Variants in NECTIN3 observed in about 807,000 individuals in gnomAD.
NECTIN3 encodes nectin cell adhesion molecule 3, also known as nectin-3.
Under a neutral mutation model 49.4 loss-of-function variants are expected in NECTIN3, and 8 were observed. The ratio of observed to expected loss-of-function variants is 0.16; its 90% confidence interval spans 0.10 to 0.29. The LOEUF is 0.29. NECTIN3 is among the 10% of genes least tolerant of loss of function. The pLI, the probability that NECTIN3 is intolerant of heterozygous loss-of-function variation, is 1.00. For synonymous variants in NECTIN3, 277 were observed against 241.1 expected (o/e 1.15, Z -1.38); for missense variants, 581 against 654.6 (o/e 0.89, Z 1.23).
intron 7 of NECTIN3, among the ~76,000 whole-genome samples, chr3:111,174,208 C>A (rs1008200841): frequency 1.3e-5 from 2 of 152,188 alleles, no homozygotes; most frequent in Non-Finnish European, 2.9e-5. Context: ...TTGCTCTAGC[C>A]TCTGAACCCC....
In NECTIN3 at chr3:111,118,617, GTT is replaced by G. The variant is rs1190983734; in HGVS notation, c.503-37_503-36del. 4.8e-6 allele frequency: 7 copies of G among 1,458,614 alleles called. No individual in the cohort carries two copies. The African/African-American group carries it at 1.0e-4, about 21-fold the overall frequency. 90.4% of individuals were successfully genotyped at this position (1,458,614 alleles called of 1,614,324 possible). A position where few individuals can be genotyped will look rare whatever the true frequency, so the allele number is the denominator to read the frequency against. On this transcript the variant is annotated intron_variant, in intron 2 of 5. Coordinates refer to ENST00000485303, the MANE Select transcript of NECTIN3 (RefSeq NM_015480.3). ...CTTGGAAAGATATAAACATATTCTT[GTT>G]TGAATGTAACTAATTATTAAAAAAA... is the stretch of plus-strand genomic sequence containing the variant.
At chr3:111,100,284 A>G (rs896585460) in intron 1 of NECTIN3, among the ~76,000 whole-genome samples, 4 of 152,160 alleles carry the variant, frequency 2.6e-5, no homozygotes, top group Admixed American at 1.3e-4. Context: ...CCAGTTCCTT[A>G]CATTGTCAAC....
At chr3:111,125,022 C>CTTTTTTTT (rs869201432) in intron 4 of NECTIN3, among the ~76,000 whole-genome samples, 46 of 90,196 alleles carry the variant, frequency 5.1e-4, no homozygotes, top group Non-Finnish European at 6.5e-4. Flanking sequence ...TCTTTTCTTT[C>CTTTTTTTT]TTTTTTTTTT....
intron 1 of NECTIN3, among the ~76,000 whole-genome samples, chr3:111,102,034 G>T (rs2032933188): frequency 6.6e-6 from 1 of 152,108 alleles, no homozygotes; most frequent in Non-Finnish European, 1.5e-5. Context: ...TATGGCAAAT[G>T]ATACTGTCCC....
intron 7 of NECTIN3, among the ~76,000 whole-genome samples, chr3:111,150,694 A>G (rs935738730): frequency 2.0e-5 from 3 of 151,794 alleles, no homozygotes; most frequent in Admixed American, 1.3e-4. Flanking sequence ...TTTTCCAACT[A>G]ATGTATTTGC....
chr3:111,072,520 G>C (rs1354966485), intron 1 of NECTIN3: 6 of 1,535,840 alleles, frequency 3.9e-6, no homozygotes, highest in Non-Finnish European at 5.2e-6. Flanking sequence ...CGTAGGTTAA[G>C]GTGCCGGGAT....
chr3:111,098,617 C>A (rs907288476), intron 1 of NECTIN3, among the ~76,000 whole-genome samples: 1 of 152,172 alleles, frequency 6.6e-6, no homozygotes, highest in Non-Finnish European at 1.5e-5. Context: ...TCATCTCATC[C>A]TGAGACCTTT....
At chr3:111,121,801 A>G (rs745727304) in intron 3 of NECTIN3, among the ~76,000 whole-genome samples, 5 of 152,154 alleles carry the variant, frequency 3.3e-5, no homozygotes, top group Admixed American at 6.5e-5. Flanking sequence ...CTGTATCTCT[A>G]CATCTCGCAT....
At chr3:111,145,808 A>T (rs2034859480) in intron 6 of NECTIN3, among the ~76,000 whole-genome samples, 1 of 152,218 alleles carries the variant, frequency 6.6e-6, no homozygotes, top group Non-Finnish European at 1.5e-5. Context: ...TTGGGACATA[A>T]GGTTGACTTT....
At chr3:111,132,499 G>A (rs985144254) in intron 5 of NECTIN3, among the ~76,000 whole-genome samples, 1 of 151,644 alleles carries the variant, frequency 6.6e-6, no homozygotes, top group Non-Finnish European at 1.5e-5. Context: ...TACCATTTGG[G>A]TCATTTATTT....
rs1289203158 is a variant in NECTIN3, at chr3:111,134,066, C to A, written c.1501C>A (p.Leu501Ile). ...EKTQWNNVEN[L>I]NRFERPMDYY... ...AACTCAGTGGAACAATGTAGAAAAT[C>A]TCAATAGGTTTGAAAGACCAATGGA... is the stretch of plus-strand genomic sequence containing the variant. The change falls in exon 6 of 6, where the codon CTC (leucine) becomes ATC (isoleucine). Residue 501 changes from leucine to isoleucine, a missense_variant. Coordinates refer to ENST00000485303, the MANE Select transcript of NECTIN3 (RefSeq NM_015480.3). 6.2e-7 allele frequency: 1 copy of A among 1,613,452 alleles called. No individual in the cohort carries two copies. The highest frequency in any genetic ancestry group is 8.5e-7 in the Non-Finnish European group (1 of 1,179,614).
At position 111,071,855 on chromosome 3, in the gene NECTIN3, G is replaced by A. The variant is rs1411424328; in HGVS notation, c.-163G>A. The A allele has an allele frequency of 7.9e-5, 34 of 428,186 alleles. 2 individuals are homozygous for A. The East Asian group carries it at 1.0e-3, about 13-fold the overall frequency. The allele number at this position is 428,186 out of a possible 1,614,324, so 26.5% of individuals were successfully genotyped here. A position where few individuals can be genotyped will look rare whatever the true frequency, so the allele number is the denominator to read the frequency against. On this transcript the variant is annotated 5_prime_UTR_variant, in exon 1 of 6. Transcript: ENST00000485303. ...CGTCGGCGACGGCGGTGTCGAGGCA[G>A]CCGCCAGCGTTCGGCCAAGTGTCAG... is the stretch of plus-strand genomic sequence containing the variant.
At chr3:111,081,872 C>T (rs1003508736) in intron 1 of NECTIN3, among the ~76,000 whole-genome samples, 1 of 152,084 alleles carries the variant, frequency 6.6e-6, no homozygotes, top group African/African-American at 2.4e-5. Flanking sequence ...TTTGCTGAGG[C>T]GATTAGACTG....
At chr3:111,142,592 C>A (rs991949700) in intron 5 of NECTIN3, among the ~76,000 whole-genome samples, 3 of 151,642 alleles carry the variant, frequency 2.0e-5, no homozygotes, top group African/African-American at 7.3e-5. Context: ...AAAATAGTGT[C>A]TATTTAAAGT....
intron 1 of NECTIN3, among the ~76,000 whole-genome samples, chr3:111,106,448 G>A (rs565014086): frequency 6.6e-6 from 1 of 152,220 alleles, no homozygotes; most frequent in African/African-American, 2.4e-5. Flanking sequence ...AGTTTATAGT[G>A]TTATTTATTT....
chr3:111,166,967 GAT>G (rs2035330360), intron 7 of NECTIN3, among the ~76,000 whole-genome samples: 1 of 152,224 alleles, frequency 6.6e-6, no homozygotes, highest in Non-Finnish European at 1.5e-5. Context: ...GACTGAACCA[GAT>G]GTAAATGTAG....
At chr3:111,182,195 A>G (rs1365059005) in intron 7 of NECTIN3, among the ~76,000 whole-genome samples, 2 of 152,096 alleles carry the variant, frequency 1.3e-5, no homozygotes, top group Non-Finnish European at 2.9e-5. Flanking sequence ...TAGAAAATAT[A>G]TCTGTTTCAC....
intron 1 of NECTIN3, among the ~76,000 whole-genome samples, chr3:111,104,388 G>A (rs1030641234): frequency 3.5e-5 from 5 of 141,064 alleles, no homozygotes; most frequent in Non-Finnish European, 7.5e-5. Flanking sequence ...TGGCATGACT[G>A]GAGTTTACTG....
At chr3:111,080,105 C>A (rs2031496222) in intron 1 of NECTIN3, among the ~76,000 whole-genome samples, 1 of 151,932 alleles carries the variant, frequency 6.6e-6, no homozygotes, top group Admixed American at 6.6e-5. Context: ...ATTAGTAATA[C>A]TAATTAGCAG....
Sources: gnomAD v4.1 joint callset for allele counts (sites outside exome capture counted in the v4.1 genomes callset) on GRCh38, gnomAD v4.1.1 for gene constraint, MANE v1.5 for transcripts, NCBI Gene and HGNC (gene_info 2026-07-23, HGNC 2026-07-21) for gene names.